The following CCSER1 variants were observed in gnomAD, a reference collection of about 807,000 sequenced individuals.
CCSER1 encodes the protein serine-rich coiled-coil domain-containing protein 1.
Under a neutral mutation model 82.0 loss-of-function variants are expected in CCSER1, and 41 were observed. That is an observed-to-expected ratio of 0.50 (90% confidence interval 0.39 to 0.65). CCSER1 has a LOEUF of 0.65. Ranked by LOEUF, CCSER1 falls within the 30% of genes least tolerant of loss-of-function variation. The pLI, the probability that CCSER1 is intolerant of heterozygous loss-of-function variation, is 0.00. For missense variants in CCSER1, 1,119 were observed against 1,064.2 expected, an observed-to-expected ratio of 1.05 and a Z score of -0.72; for synonymous variants, 414 against 383.9, an observed-to-expected ratio of 1.08 and a Z score of -0.92.
chr4:90,188,832 C>G (rs2153394129), intron 1 of CCSER1, among the ~76,000 whole-genome samples: 1 of 151,918 alleles, frequency 6.6e-6, no homozygotes, highest in South Asian at 2.1e-4. Context: ...TATTAACACT[C>G]TTCAAAGAGA....
chr4:90,463,475 A>G (rs1328673578), intron 4 of CCSER1, among the ~76,000 whole-genome samples: 1 of 152,226 alleles, frequency 6.6e-6, no homozygotes, highest in African/African-American at 2.4e-5. Flanking sequence ...AAAACAATAC[A>G]GTAAGAGTAA....
At chr4:91,561,371 T>C (rs1762644362) in intron 10 of CCSER1, among the ~76,000 whole-genome samples, 1 of 151,416 alleles carries the variant, frequency 6.6e-6, no homozygotes, top group Non-Finnish European at 1.5e-5. Flanking sequence ...ATTGTTAGTT[T>C]TTCCTGGGGT....
Position 90,611,059 on chromosome 4 carries a change from CTTTTTT to C in CCSER1, c.1725-16951_1725-16946del, listed in dbSNP as rs201354908. Among the ~76,000 whole-genome samples the C allele has an allele frequency of 2.1e-4, 20 of 93,822 alleles. 1 individual carries two copies. Among genetic ancestry groups the C allele is most frequent in the Admixed American group, 8.2e-4 (7 of 8,498 alleles). 61.6% of individuals were successfully genotyped at this position (93,822 alleles called of 152,430 possible). On this transcript the variant is annotated intron_variant, in intron 5 of 10. Transcript: ENST00000509176. Reference sequence around the variant, plus strand: ...TGCCTGGCTAATTTTCTTTTCTTTTCTTTTTTTTTTTTTTTTTTTTGTAGAGATAGA... The same window carrying C: ...TGCCTGGCTAATTTTCTTTTCTTTTCTTTTTTTTTTTTTTGTAGAGATAGA...
At chr4:90,833,005 T>G (rs1275938060) in intron 8 of CCSER1, among the ~76,000 whole-genome samples, 2 of 152,246 alleles carry the variant, frequency 1.3e-5, no homozygotes, top group African/African-American at 4.8e-5. Flanking sequence ...GGTCTTTCGT[T>G]ATTCACAGCT....
chr4:90,237,842 G>A (rs183551376), intron 1 of CCSER1, among the ~76,000 whole-genome samples: 4 of 152,220 alleles, frequency 2.6e-5, no homozygotes, highest in Admixed American at 2.0e-4. Context: ...TGTATTCTAG[G>A]TTTCCAGAGT....
intron 10 of CCSER1, among the ~76,000 whole-genome samples, chr4:91,241,443 A>G (rs1437055912): frequency 1.4e-5 from 2 of 143,684 alleles, no homozygotes; most frequent in African/African-American, 2.6e-5. Flanking sequence ...CTCTTGCCTC[A>G]GCCTCCCGAG....
rs922149394 is a variant in CCSER1 at position 90,718,138 on chromosome 4, A to G, written c.1933-5776A>G. 2.0e-4 allele frequency among the ~76,000 whole-genome samples: 30 copies of G among 152,172 alleles called. 1 individual carries two copies. Among genetic ancestry groups the G allele is most frequent in the Admixed American group, 1.5e-3 (23 of 15,262 alleles). ...AGCAGCAGTATACTAAACCATGTGT[A>G]TATATTTTCTGTGTAATTTTACAAC... is the stretch of plus-strand genomic sequence containing the variant. On this transcript the variant is annotated intron_variant, in intron 6 of 10. Coordinates refer to ENST00000509176, the MANE Select transcript of CCSER1 (RefSeq NM_001145065.2).
intron 7 of CCSER1, among the ~76,000 whole-genome samples, chr4:90,803,373 C>G (rs528999874): frequency 1.2e-4 from 17 of 143,994 alleles, no homozygotes; most frequent in African/African-American, 4.1e-4. Context: ...TCCCCCACCC[C>G]CTGACAGGCC....
At chr4:91,140,538 T>C (rs1204599581) in intron 10 of CCSER1, among the ~76,000 whole-genome samples, 1 of 152,104 alleles carries the variant, frequency 6.6e-6, no homozygotes, top group African/African-American at 2.4e-5. Context: ...AAACACAATC[T>C]TTACCATTTG....
intron 1 of CCSER1, among the ~76,000 whole-genome samples, chr4:90,199,795 T>TA (rs975518516): frequency 6.6e-5 from 10 of 152,120 alleles, no homozygotes; most frequent in African/African-American, 2.2e-4. Context: ...TTTTAATAGT[T>TA]ACTATGTTTT....
intron 1 of CCSER1, among the ~76,000 whole-genome samples, chr4:90,196,686 C>T (rs1736689721): frequency 6.6e-6 from 1 of 151,736 alleles, no homozygotes; most frequent in East Asian, 1.9e-4. Flanking sequence ...CACACACACA[C>T]ACAATCTTAG....
chr4:91,466,111 A>T (rs976919135), intron 10 of CCSER1, among the ~76,000 whole-genome samples: 6 of 152,192 alleles, frequency 3.9e-5, no homozygotes, highest in Non-Finnish European at 7.3e-5. Flanking sequence ...TCAATAAAAT[A>T]CTGGCAAACT....
At chr4:90,534,711 C>T (rs1276775003) in intron 5 of CCSER1, among the ~76,000 whole-genome samples, 1 of 152,104 alleles carries the variant, frequency 6.6e-6, no homozygotes, top group Non-Finnish European at 1.5e-5. Flanking sequence ...TCAGGTTGCA[C>T]TGCAAGGAAG....
chr4:90,468,186 GT>G lies in CCSER1; in HGVS notation c.1604-46del, dbSNP rs750966400. 6 of 1,539,434 alleles carry G rather than the reference GT, an allele frequency of 3.9e-6. No individual in the cohort carries two copies. The East Asian group carries it at 1.4e-4, about 35-fold the overall frequency. On this transcript the variant is annotated intron_variant, in intron 4 of 10. Transcript: ENST00000509176. ...AGGGGAAAAAGGAGATGTGAGACTA[GT>G]TCATAAATAATTTTGACATTTACAA... is the stretch of plus-strand genomic sequence containing the variant.
chr4:91,141,153 C>CT lies in CCSER1; in HGVS notation c.2217+55173dup, dbSNP rs113600364. On this transcript the variant is annotated intron_variant, in intron 10 of 10. Coordinates refer to ENST00000509176, the MANE Select transcript of CCSER1 (RefSeq NM_001145065.2). Reference sequence around the variant, plus strand: ...TTGCTGCAAAGGATATGATTTCATTCTTTTTTTTTTTTTTCTTTTTGAGAC... The same window carrying CT: ...TTGCTGCAAAGGATATGATTTCATTCTTTTTTTTTTTTTTTCTTTTTGAGAC... Among the ~76,000 whole-genome samples, 383 of 144,316 alleles carry CT rather than the reference C, an allele frequency of 2.7e-3. 1 individual carries two copies. Among genetic ancestry groups the CT allele is most frequent in the South Asian group, 4.0e-3 (18 of 4,504 alleles). 94.7% of individuals were successfully genotyped at this position (144,316 alleles called of 152,430 possible). A position where few individuals can be genotyped will look rare whatever the true frequency, so the allele number is the denominator to read the frequency against.
chr4:91,564,143 G>A (rs980881684), intron 10 of CCSER1, among the ~76,000 whole-genome samples: 3 of 151,768 alleles, frequency 2.0e-5, no homozygotes, highest in African/African-American at 7.3e-5. Context: ...GAGGTATTTG[G>A]TTTTCTGTTC....
At chr4:90,200,704 A>G (rs1047411010) in intron 1 of CCSER1, among the ~76,000 whole-genome samples, 1 of 151,938 alleles carries the variant, frequency 6.6e-6, no homozygotes, top group African/African-American at 2.4e-5. Flanking sequence ...GAGACCTTAT[A>G]AAGATTACCT....
chr4:91,028,877 C>T (rs1435779272), intron 9 of CCSER1, among the ~76,000 whole-genome samples: 1 of 151,912 alleles, frequency 6.6e-6, no homozygotes, highest in Non-Finnish European at 1.5e-5. Context: ...AATTTAGAAG[C>T]TTTAATACAT....
chr4:91,137,065 G>A (rs184705354), intron 10 of CCSER1, among the ~76,000 whole-genome samples: 1 of 147,892 alleles, frequency 6.8e-6, no homozygotes, highest in Non-Finnish European at 1.5e-5. Context: ...CATTGTGCAG[G>A]TTAGTTACAT....
Sources: allele counts gnomAD v4.1 joint callset (sites outside exome capture counted in the v4.1 genomes callset), GRCh38; gene constraint gnomAD v4.1.1; transcripts MANE v1.5; gene names NCBI Gene and HGNC (gene_info 2026-07-23, HGNC 2026-07-21).